The following DEPDC5 variants were observed in gnomAD, a reference collection of about 807,000 sequenced individuals.
DEPDC5 encodes the protein GATOR1 complex protein DEPDC5.
Under a neutral mutation model 217.3 loss-of-function variants are expected in DEPDC5, and 73 were observed. The observed-to-expected ratio is 0.34, with a 90% confidence interval of 0.28 to 0.41. The LOEUF (loss-of-function observed/expected upper bound fraction) is 0.41, where lower values mean the gene tolerates loss of function less well. Among genes scored for constraint, DEPDC5 ranks in the 10% least tolerant of loss-of-function variants. DEPDC5 has a pLI of 1.00. For synonymous variants in DEPDC5, 733 were observed against 756.7 expected (o/e 0.97, Z 0.51); for missense variants, 1,675 against 2,070.1 (o/e 0.81, Z 3.70).
At chr22:31,774,197 A>G (rs1228639999) in intron 7 of DEPDC5, among the ~76,000 whole-genome samples, 1 of 150,040 alleles carries the variant, frequency 6.7e-6, no homozygotes, top group Non-Finnish European at 1.5e-5. Context: ...GTTGGATCAC[A>G]TTGTAACTTT....
intron 21 of DEPDC5, among the ~76,000 whole-genome samples, chr22:31,817,984 A>G (rs750494554): frequency 2.0e-5 from 3 of 152,178 alleles, no homozygotes; most frequent in Non-Finnish European, 4.4e-5. Context: ...ATTACAGTGT[A>G]TGAGGTTCTG....
At chr22:31,834,811 G>A (rs1448273258) in intron 25 of DEPDC5, among the ~76,000 whole-genome samples, 1 of 152,016 alleles carries the variant, frequency 6.6e-6, no homozygotes, top group African/African-American at 2.4e-5. Context: ...TTACAGCCGT[G>A]AGCCACCTCG....
chr22:31,767,399 G>A (rs2082912916), intron 6 of DEPDC5, among the ~76,000 whole-genome samples: 1 of 151,992 alleles, frequency 6.6e-6, no homozygotes, highest in Non-Finnish European at 1.5e-5. Flanking sequence ...TGGTTCAAGC[G>A]ATTCTCCTGC....
Position 31,846,909 on chromosome 22 carries a change from G to A in DEPDC5, c.3097G>A (p.Val1033Met), listed in dbSNP as rs376313159. Residue 1033 changes from valine to methionine, a missense_variant, in exon 31 of 43, where the codon GTG becomes ATG. Val to Met is a conservative substitution (Grantham distance 21). Transcript: ENST00000651528. ...TTCTCTGGAGTCAACTGCACCCCCA[G>A]TGGGGAAGAAGGGAACCTCAGCTCT... The part of the protein sequence containing the change: ...THSLESTAPP[V>M]GKKGTSALSA... 1.2e-6 allele frequency: 2 copies of A among 1,614,140 alleles called. No individual in the cohort carries two copies. Among genetic ancestry groups the A allele is most frequent in the African/African-American group, 2.7e-5 (2 of 74,946 alleles).
intron 31 of DEPDC5, among the ~76,000 whole-genome samples, chr22:31,855,612 T>C (rs555366637): frequency 6.6e-6 from 1 of 151,992 alleles, no homozygotes; most frequent in Non-Finnish European, 1.5e-5. Flanking sequence ...TCTCTTGACC[T>C]CGTGATCCGC....
At chr22:31,777,984 G>A (rs1466451520) in intron 7 of DEPDC5, 115 bp from the exon 8 acceptor site, 1 of 1,134,062 alleles carries the variant, frequency 8.8e-7, no homozygotes, top group Non-Finnish European at 1.3e-6. Flanking sequence ...CTGACCTCAG[G>A]TAATTCGCCC....
At chr22:31,760,987 T>G (rs997170650) in intron 4 of DEPDC5, among the ~76,000 whole-genome samples, 1 of 151,904 alleles carries the variant, frequency 6.6e-6, no homozygotes. Context: ...ACATTGTTTT[T>G]TTTTTTTTTT....
At chr22:31,890,962 C>A (rs1242646346) in intron 38 of DEPDC5, 1 of 170,380 alleles carries the variant, frequency 5.9e-6, no homozygotes, top group African/African-American at 2.4e-5. Flanking sequence ...AGGTGATCCG[C>A]CTGCCTTGGC....
intron 12 of DEPDC5, among the ~76,000 whole-genome samples, chr22:31,796,815 G>A (rs1041979071): frequency 1.3e-5 from 2 of 151,698 alleles, no homozygotes; most frequent in Admixed American, 6.6e-5. Context: ...TCCTGCCTCA[G>A]CCTTCCAAGT....
In DEPDC5 at chr22:31,764,895, G is replaced by A. The variant is rs112007558; in HGVS notation, c.194-80G>A. On this transcript the variant is annotated intron_variant, in intron 4 of 42. Transcript: ENST00000651528. ...GATGATCAATTGTGTTGCTTACTGA[G>A]TTGAGTGTTTATAGATTAGAATATA... The A allele has an allele frequency of 6.6e-5, 67 of 1,021,310 alleles. 1 individual carries two copies. Among genetic ancestry groups the A allele is most frequent in the Non-Finnish European group, 1.0e-4 (66 of 646,010 alleles). The allele number at this position is 1,021,310 out of a possible 1,614,324, so 63.3% of individuals were successfully genotyped here. A position where few individuals can be genotyped will look rare whatever the true frequency, so the allele number is the denominator to read the frequency against.
At chr22:31,795,300 C>A (rs2086118944) in intron 12 of DEPDC5, among the ~76,000 whole-genome samples, 1 of 151,828 alleles carries the variant, frequency 6.6e-6, no homozygotes, top group Non-Finnish European at 1.5e-5. Flanking sequence ...GAACTCCTGA[C>A]CTCAGGTGAT....
chr22:31,897,726 T>A (rs1302606459), intron 40 of DEPDC5, 73 bp downstream of exon 40: 1 of 1,551,224 alleles, frequency 6.4e-7, no homozygotes, highest in African/African-American at 1.4e-5. Flanking sequence ...CCACTCTGGG[T>A]ATCCAGTCAA....
chr22:31,865,755 G>C (rs12484712), intron 33 of DEPDC5, among the ~76,000 whole-genome samples: 1,631 of 152,246 alleles, frequency 0.011, 93 homozygotes, highest in Admixed American at 0.076. Context: ...CAGAGAGAAG[G>C]TTTTAATTTG....
intron 37 of DEPDC5, 45 bp downstream of exon 37, chr22:31,876,310 T>G (rs780313269): frequency 6.7e-7 from 1 of 1,498,114 alleles, no homozygotes; most frequent in Admixed American, 1.7e-5. Context: ...GCAAGTGTTT[T>G]TCCTGGTGAC....
At chr22:31,850,708 T>TC (rs112631488) in intron 31 of DEPDC5, among the ~76,000 whole-genome samples, 13 of 152,270 alleles carry the variant, frequency 8.5e-5, no homozygotes, top group African/African-American at 2.9e-4. Flanking sequence ...GCTCAGGAGT[T>TC]CGAGACCAGC....
chr22:31,906,389 T>C lies in DEPDC5; in HGVS notation c.4704T>C (p.Phe1568=). The change falls in exon 43 of 43, where the codon TTT becomes TTC. Residue 1568 remains phenylalanine (F), a synonymous_variant. Coordinates refer to ENST00000651528, the MANE Select transcript of DEPDC5 (RefSeq NM_001242896.3). The surrounding 1 kb of genome is among the most constrained non-coding windows in gnomAD (Gnocchi z 5.1). ...CCAGCGCCACAGGGGATGAAAAGTT[T>C]GCTGATCGGCTGCTGAAGGACTTCA... is the stretch of plus-strand genomic sequence containing the variant. ...WRSSATGDEK[F]ADRLLKDFTD... The C allele has an allele frequency of 6.2e-7, 1 of 1,614,154 alleles. No homozygotes were observed.
intron 19 of DEPDC5, among the ~76,000 whole-genome samples, chr22:31,809,892 G>A (rs1602048667): frequency 1.3e-5 from 2 of 152,282 alleles, no homozygotes; most frequent in South Asian, 4.1e-4. Flanking sequence ...TGAGGCAGGA[G>A]AATCACTTGA....
chr22:31,823,904 T>G (rs987691212), intron 24 of DEPDC5, among the ~76,000 whole-genome samples: 5 of 152,144 alleles, frequency 3.3e-5, no homozygotes, highest in Admixed American at 2.6e-4. Context: ...TAACATGAGC[T>G]TGGATCAGTA....
chr22:31,871,068 G>A (rs925898426), intron 34 of DEPDC5, among the ~76,000 whole-genome samples: 1 of 152,200 alleles, frequency 6.6e-6, no homozygotes, highest in Non-Finnish European at 1.5e-5. Context: ...TGTCTTGCAC[G>A]TCATAGCATG....
Sources: gnomAD v4.1 joint callset for allele counts (sites outside exome capture counted in the v4.1 genomes callset) on GRCh38, gnomAD v4.1.1 for gene constraint, Gnocchi (gnomAD v3.1) non-coding constraint, MANE v1.5 for transcripts, NCBI Gene and HGNC (gene_info 2026-07-23, HGNC 2026-07-21) for gene names.